BTBD7: variants seen among roughly 807,000 people sequenced by gnomAD.
BTBD7 encodes the protein BTB domain containing 7, also known as BTB/POZ domain-containing protein 7.
Under a neutral mutation model 99.9 loss-of-function variants are expected in BTBD7, and 38 were observed. The observed-to-expected ratio is 0.38, with a 90% CI of 0.29 to 0.50. The LOEUF is 0.50. Among genes scored for constraint, BTBD7 ranks in the 20% least tolerant of loss-of-function variants. BTBD7 has a pLI of 0.93. For synonymous variants in BTBD7, 520 were observed against 511.4 expected, an observed-to-expected ratio of 1.02 and a Z score of -0.23; for missense variants, 1,170 against 1,394.6, an observed-to-expected ratio of 0.84 and a Z score of 2.57.
chr14:93,259,816 C>G (rs2052468581), intron 5 of BTBD7, among the ~76,000 whole-genome samples: 1 of 152,252 alleles, frequency 6.6e-6, no homozygotes, highest in South Asian at 2.1e-4. Context: ...TGCCTGTAAT[C>G]CCAGCTACTC....
intron 1 of BTBD7, among the ~76,000 whole-genome samples, chr14:93,300,772 G>C (rs205323): frequency 7.4e-5 from 5 of 67,886 alleles, no homozygotes; most frequent in Admixed American, 2.9e-4. Context: ...GTGTGTGTGT[G>C]TATATATATA....
In BTBD7 at chr14:93,240,531, G is replaced by A. The variant is rs75885119; in HGVS notation, c.*1742C>T. ...CTGCATAGTTTTCGAGTGAGTGTGA[G>A]TGATTCATAGTTTTTTATATATATA... is the stretch of plus-strand genomic sequence containing the variant. On this transcript the variant is annotated 3_prime_UTR_variant, in exon 11 of 11. Coordinates refer to ENST00000334746, the MANE Select transcript of BTBD7 (RefSeq NM_001002860.4). 6.0e-3 allele frequency: 922 copies of A among 152,708 alleles called. 5 individuals carry two copies. Among genetic ancestry groups the A allele is most frequent in the Non-Finnish European group, 0.01 (697 of 68,014 alleles). The allele number at this position is 152,708 out of a possible 1,614,324, so 9.5% of individuals were successfully genotyped here. A position where few individuals can be genotyped will look rare whatever the true frequency, so the allele number is the denominator to read the frequency against.
chr14:93,286,257 C>T (rs1257272388), intron 3 of BTBD7, among the ~76,000 whole-genome samples: 2 of 152,194 alleles, frequency 1.3e-5, no homozygotes, highest in Non-Finnish European at 2.9e-5. Context: ...GCTCTGCCTC[C>T]TATGAAGACA....
At chr14:93,290,432 T>A (rs2052835551) in intron 3 of BTBD7, among the ~76,000 whole-genome samples, 1 of 150,738 alleles carries the variant, frequency 6.6e-6, no homozygotes, top group African/African-American at 2.4e-5. Flanking sequence ...CAGGATGGTC[T>A]CGATCTCCTG....
chr14:93,275,121 TG>T (rs756417664), intron 3 of BTBD7, among the ~76,000 whole-genome samples: 6 of 152,170 alleles, frequency 3.9e-5, no homozygotes, highest in Non-Finnish European at 7.3e-5. Context: ...GGAGTGAGAA[TG>T]GCAAGGGATA....
At chr14:93,288,462 C>T in intron 3 of BTBD7, 1 of 709,558 alleles carries the variant, frequency 1.4e-6, no homozygotes, top group African/African-American at 1.7e-5. Flanking sequence ...CTGCTTATGT[C>T]TCACTGATTC....
chr14:93,298,288 T>C (rs2052953944), intron 1 of BTBD7, among the ~76,000 whole-genome samples: 1 of 152,190 alleles, frequency 6.6e-6, no homozygotes, highest in Non-Finnish European at 1.5e-5. Context: ...AGACTCAAGA[T>C]GCCACACGTT....
At chr14:93,245,004 C>G (rs1412136830) in intron 10 of BTBD7, among the ~76,000 whole-genome samples, 1 of 151,726 alleles carries the variant, frequency 6.6e-6, no homozygotes, top group African/African-American at 2.4e-5. Flanking sequence ...GGACTACAGG[C>G]ACGTGCTACC....
rs529398760 is a variant in BTBD7 at position 93,263,976 on chromosome 14, C to T, written c.1180G>A (p.Ala394Thr). Residue 394 changes from alanine (A) to threonine (T), a missense_variant, in exon 4 of 11, where the codon GCT becomes ACT. Transcript: ENST00000334746. ...AAGGTATCTAATGAGATGCTCTCAG[C>T]AATGATATCCTCACAGCCTAAAAGA... ...MLAQGCEDII[A>T]ESISLDTLIA... is the part of the protein sequence containing the mutation. 5.8e-4 allele frequency: 929 copies of T among 1,613,932 alleles called. 7 individuals are homozygous for T. The South Asian group carries it at 9.7e-3, about 17-fold the overall frequency.
chr14:93,251,373 T>C (rs886454934), intron 8 of BTBD7, 90 bp downstream of exon 8: 1 of 1,307,228 alleles, frequency 7.6e-7, no homozygotes, highest in South Asian at 1.8e-5. Flanking sequence ...GTGGAGAGAA[T>C]TAGCATATAC....
chr14:93,261,157 G>A (rs2052485618), intron 5 of BTBD7, among the ~76,000 whole-genome samples: 1 of 152,248 alleles, frequency 6.6e-6, no homozygotes. Context: ...TTAAACTGAG[G>A]TTAAAATTCA....
At chr14:93,322,043 G>A (rs749846340) in intron 1 of BTBD7, among the ~76,000 whole-genome samples, 27 of 152,142 alleles carry the variant, frequency 1.8e-4, no homozygotes, top group Admixed American at 1.3e-4. Context: ...GGCAAGATAT[G>A]AGCCATAGGA....
intron 1 of BTBD7, among the ~76,000 whole-genome samples, chr14:93,317,172 ATTT>A (rs1411384349): frequency 1.3e-5 from 2 of 151,770 alleles, no homozygotes; most frequent in Non-Finnish European, 2.9e-5. Flanking sequence ...CACCCAACTA[ATTT>A]TTTATTTTTA....
chr14:93,252,653 G>C lies in BTBD7; in HGVS notation c.1752+994C>G, dbSNP rs150050249. On this transcript the variant is annotated intron_variant, in intron 7 of 10. Transcript: ENST00000334746. ...GCCTCCCAAAGTGCTGAGATTACAG[G>C]TGTAAGCCACCATGCCTGGTTTAAA... Among the ~76,000 whole-genome samples, 349 of 152,044 alleles carry C rather than the reference G, an allele frequency of 2.3e-3. 7 individuals carry two copies. In the East Asian group the frequency reaches 0.054, roughly 24 times the overall value.
chr14:93,242,019 A>G lies in BTBD7; in HGVS notation c.*254T>C, dbSNP rs550121723. On this transcript the variant is annotated 3_prime_UTR_variant, in exon 11 of 11. Transcript: ENST00000334746. Reference sequence around the variant, plus strand: ...TTTGTAAAGAGAAATAAAAAGTGCCAGCCTGCTTGTTCTTAAAAATGCCTC... The same window carrying G: ...TTTGTAAAGAGAAATAAAAAGTGCCGGCCTGCTTGTTCTTAAAAATGCCTC... The G allele has an allele frequency of 2.1e-6, 1 of 481,146 alleles. No homozygotes were observed. The highest frequency in any genetic ancestry group is 3.6e-6 in the Non-Finnish European group (1 of 274,634). 29.8% of individuals were successfully genotyped at this position (481,146 alleles called of 1,614,324 possible). A position where few individuals can be genotyped will look rare whatever the true frequency, so the allele number is the denominator to read the frequency against.
At chr14:93,327,091 G>A (rs1050795493) in intron 1 of BTBD7, among the ~76,000 whole-genome samples, 3 of 152,174 alleles carry the variant, frequency 2.0e-5, no homozygotes, top group African/African-American at 7.2e-5. Context: ...AGCCCAGGAG[G>A]CCAAGGCAGC....
rs780168711 is a variant in BTBD7, at chr14:93,245,857, CTGT to C, written c.2548_2550del (p.Thr850del). On this transcript the variant is annotated inframe_deletion, in exon 10 of 11. Coordinates refer to ENST00000334746, the MANE Select transcript of BTBD7 (RefSeq NM_001002860.4). Reference sequence around the variant, plus strand: ...TTCTCAGATGCTGCTGCTGCTGCTGCTGTTGCTGTTGAGGTGGTGGTGGCGGCA... The same window carrying C: ...TTCTCAGATGCTGCTGCTGCTGCTGCTGCTGTTGAGGTGGTGGTGGCGGCA... 1.9e-6 allele frequency: 3 copies of C among 1,613,152 alleles called. No homozygotes were observed. The highest frequency in any genetic ancestry group is 2.5e-6 in the Non-Finnish European group (3 of 1,179,504).
At chr14:93,280,149 T>C (rs1351668616) in intron 3 of BTBD7, among the ~76,000 whole-genome samples, 51 of 152,200 alleles carry the variant, frequency 3.4e-4, no homozygotes, top group Admixed American at 3.3e-3. Flanking sequence ...ACTATCAATC[T>C]AGGGTTTAAG....
intron 8 of BTBD7, among the ~76,000 whole-genome samples, chr14:93,249,931 G>A (rs1263428): frequency 0.14 from 21,539 of 152,170 alleles, 1,992 homozygotes; most frequent in Admixed American, 0.22. Flanking sequence ...AAAGGAACTG[G>A]CATTTACTGA....
Sources: gnomAD v4.1 joint callset for allele counts (sites outside exome capture counted in the v4.1 genomes callset) on GRCh38, gnomAD v4.1.1 for gene constraint, MANE v1.5 for transcripts, NCBI Gene and HGNC (gene_info 2026-07-23, HGNC 2026-07-21) for gene names.